The following COLEC10 variants were observed in gnomAD, a reference collection of about 807,000 sequenced individuals.
COLEC10 encodes collectin subfamily member 10.
Under a neutral mutation model 28.4 loss-of-function variants are expected in COLEC10, and 22 were observed. That is an observed-to-expected ratio of 0.78 (90% CI 0.55 to 1.11). COLEC10 has a LOEUF of 1.11. Among genes scored for constraint, COLEC10 ranks in the 50% least tolerant of loss-of-function variants. COLEC10 has a pLI of 0.00. For synonymous variants in COLEC10, 125 were observed against 116.1 expected (o/e 1.08, Z -0.49); for missense variants, 361 against 344.1 (o/e 1.05, Z -0.39).
At chr8:119,066,304 C>T (rs1276688866), upstream of COLEC10, among the ~76,000 whole-genome samples, 1 of 152,102 alleles carries the variant, frequency 6.6e-6, no homozygotes, top group African/African-American at 2.4e-5. Context: ...TTACTATGCC[C>T]ATACTATTTG....
chr8:119,041,400 G>A (rs1587013947), intron 2 of COLEC10, among the ~76,000 whole-genome samples: 1 of 152,214 alleles, frequency 6.6e-6, no homozygotes, highest in East Asian at 1.9e-4. Context: ...AAATGATATT[G>A]GAATGCATTT....
the COLEC10 span, among the ~76,000 whole-genome samples, chr8:118,974,643 G>A: frequency 1.3e-5 from 2 of 151,924 alleles, no homozygotes; most frequent in South Asian, 2.1e-4. Context: ...TATCTCCCAT[G>A]GTAATTAATA....
At chr8:119,053,688 G>GA (rs373967539) in intron 2 of COLEC10, among the ~76,000 whole-genome samples, 1 of 140,998 alleles carries the variant, frequency 7.1e-6, no homozygotes, top group African/African-American at 2.6e-5. Flanking sequence ...AAAAAAGGTG[G>GA]GGGGGGCTTA....
At chr8:119,079,512 C>T (rs1027445331) in intron 1 of COLEC10, among the ~76,000 whole-genome samples, 1 of 152,090 alleles carries the variant, frequency 6.6e-6, no homozygotes, top group Admixed American at 6.6e-5. Context: ...ACTGAGAATG[C>T]ATTTTAATAA....
chr8:118,955,920 T>C, the COLEC10 span, among the ~76,000 whole-genome samples: 1 of 152,228 alleles, frequency 6.6e-6, no homozygotes, highest in Non-Finnish European at 1.5e-5. Context: ...TAGAGAGTTT[T>C]AAGCATGGGA....
At chr8:119,022,257 A>T (rs1364281319) in intron 2 of COLEC10, among the ~76,000 whole-genome samples, 1 of 152,184 alleles carries the variant, frequency 6.6e-6, no homozygotes, top group Non-Finnish European at 1.5e-5. Flanking sequence ...AGATCATTTA[A>T]GGAGGGCAAA....
intron 1 of COLEC10, among the ~76,000 whole-genome samples, chr8:118,999,128 A>T (rs1340161729): frequency 6.6e-6 from 1 of 152,202 alleles, no homozygotes; most frequent in Non-Finnish European, 1.5e-5. Flanking sequence ...TAAAAAGGTC[A>T]CATTTATTTA....
chr8:119,094,172 C>T (rs545359332), intron 3 of COLEC10, among the ~76,000 whole-genome samples: 2 of 152,108 alleles, frequency 1.3e-5, no homozygotes, highest in South Asian at 4.1e-4. Context: ...CAATGAGTCC[C>T]GGGGCATCCA....
At chr8:119,051,681 T>G (rs1255578488) in intron 2 of COLEC10, among the ~76,000 whole-genome samples, 1 of 152,198 alleles carries the variant, frequency 6.6e-6, no homozygotes, top group Non-Finnish European at 1.5e-5. Flanking sequence ...AATGAAAAGC[T>G]CATACCATAT....
intron 2 of COLEC10, among the ~76,000 whole-genome samples, chr8:119,013,065 A>T (rs1813928405): frequency 6.8e-6 from 1 of 147,850 alleles, no homozygotes; most frequent in African/African-American, 2.5e-5. Context: ...TTGAGTTTAG[A>T]TCTTTCTTCT....
chr8:118,963,921 G>A, the COLEC10 span, among the ~76,000 whole-genome samples: 6 of 152,162 alleles, frequency 3.9e-5, no homozygotes, highest in South Asian at 2.1e-4. Context: ...AAATGGATAT[G>A]AGCCTTGCCC....
At chr8:118,962,647 T>A in the COLEC10 span, among the ~76,000 whole-genome samples, 2 of 152,178 alleles carry the variant, frequency 1.3e-5, no homozygotes, top group African/African-American at 2.4e-5. Flanking sequence ...TCTTAAAAAA[T>A]TTTGAGCTTA....
intron 2 of COLEC10, among the ~76,000 whole-genome samples, chr8:119,013,081 A>T (rs1433036851): frequency 6.7e-6 from 1 of 149,934 alleles, no homozygotes; most frequent in East Asian, 1.9e-4. Flanking sequence ...CTTCTTTTCT[A>T]TTAAGTGCAT....
At chr8:119,053,381 C>A (rs1461783441) in intron 2 of COLEC10, among the ~76,000 whole-genome samples, 1 of 152,088 alleles carries the variant, frequency 6.6e-6, no homozygotes, top group Non-Finnish European at 1.5e-5. Flanking sequence ...AAGCTCAAGG[C>A]TGTTTCATTT....
chr8:119,098,209 G>T (rs532768516), intron 3 of COLEC10, among the ~76,000 whole-genome samples: 1 of 151,960 alleles, frequency 6.6e-6, no homozygotes, highest in Non-Finnish European at 1.5e-5. Context: ...TAAAGCTAAG[G>T]ATCTTAAGCA....
chr8:119,062,206 AC>A (rs1814868229), intron 2 of COLEC10, among the ~76,000 whole-genome samples: 1 of 152,114 alleles, frequency 6.6e-6, no homozygotes, highest in Admixed American at 6.6e-5. Context: ...GAAGATGTAG[AC>A]CTAGGAATGA....
chr8:119,084,891 A>G (rs1815440901), intron 1 of COLEC10, among the ~76,000 whole-genome samples: 1 of 152,212 alleles, frequency 6.6e-6, no homozygotes, highest in Non-Finnish European at 1.5e-5. Flanking sequence ...CAAGTAAAAG[A>G]GTAAGTAATG....
chr8:118,988,630 T>C, the COLEC10 span, among the ~76,000 whole-genome samples: 3 of 152,252 alleles, frequency 2.0e-5, no homozygotes, highest in Admixed American at 6.5e-5. Context: ...CAAGATCTAA[T>C]TGGAAGATTA....
At chr8:119,023,570 C>T (rs936979147) in intron 2 of COLEC10, among the ~76,000 whole-genome samples, 1 of 152,234 alleles carries the variant, frequency 6.6e-6, no homozygotes, top group East Asian at 1.9e-4. Context: ...AGTAACTATT[C>T]ATATTAGTTC....
Sources: allele counts gnomAD v4.1 joint callset (sites outside exome capture counted in the v4.1 genomes callset), GRCh38; gene constraint gnomAD v4.1.1; transcripts MANE v1.5; gene names NCBI Gene and HGNC (gene_info 2026-07-23, HGNC 2026-07-21).